Variants in MINPP1 observed in about 807,000 individuals in gnomAD.
The protein encoded by MINPP1 is multiple inositol-polyphosphate phosphatase 1, also known as multiple inositol polyphosphate phosphatase 1.
MINPP1 carries 28 observed loss-of-function variants against 46.1 expected under a neutral mutation model. The observed-to-expected ratio is 0.61, with a 90% CI of 0.45 to 0.83. MINPP1 has a LOEUF of 0.83. MINPP1 is among the 40% of genes least tolerant of loss of function. MINPP1 has a pLI of 0.00. For missense variants in MINPP1, 603 were observed against 610.0 expected (o/e 0.99, Z 0.12); for synonymous variants, 268 against 249.1 (o/e 1.08, Z -0.72).
chr10:87,536,776 C>CA (rs1158924396), intron 4 of MINPP1, among the ~76,000 whole-genome samples: 1 of 152,122 alleles, frequency 6.6e-6, no homozygotes, highest in Non-Finnish European at 1.5e-5. Flanking sequence ...TACATAGATC[C>CA]ACCACCATTT....
rs144444158 is a variant in MINPP1 at position 87,535,877 on chromosome 10, C to A, written c.1067+14708C>A. The stretch of plus-strand genomic sequence containing the variant: ...CAGGGAGCTCGAGTCTAGGGTGAGC[C>A]GTGATCATGCCACTGTACTCCAGCT... On this transcript the variant is annotated intron_variant, in intron 4 of 4. Transcript: ENST00000371996. 9.7e-3 allele frequency among the ~76,000 whole-genome samples: 1,480 copies of A among 152,112 alleles called. 24 individuals are homozygous for A. The highest frequency in any genetic ancestry group is 0.034 in the African/African-American group (1,395 of 41,488).
intron 3 of MINPP1, among the ~76,000 whole-genome samples, chr10:87,517,986 G>T (rs1851437907): frequency 7.4e-6 from 1 of 134,858 alleles, no homozygotes; most frequent in Non-Finnish European, 1.6e-5. Context: ...TTGAGACAGA[G>T]TCTTGCTCTG....
chr10:87,515,881 T>C (rs1851407197), intron 3 of MINPP1, among the ~76,000 whole-genome samples: 1 of 142,876 alleles, frequency 7.0e-6, no homozygotes, highest in South Asian at 2.2e-4. Context: ...CAGGCTGGAG[T>C]GCAGTGGCCC....
chr10:87,527,710 T>C (rs1023948532), intron 4 of MINPP1, among the ~76,000 whole-genome samples: 5 of 152,204 alleles, frequency 3.3e-5, no homozygotes, highest in African/African-American at 9.6e-5. Context: ...TTCAGGATGA[T>C]GCTGGCCTCA....
At chr10:87,536,667 T>G (rs887702227) in intron 4 of MINPP1, among the ~76,000 whole-genome samples, 3 of 152,206 alleles carry the variant, frequency 2.0e-5, no homozygotes, top group African/African-American at 7.2e-5. Flanking sequence ...AATTTTTTTT[T>G]GTTGGGCTTC....
intron 4 of MINPP1, among the ~76,000 whole-genome samples, chr10:87,529,469 G>T (rs1296842874): frequency 6.6e-6 from 1 of 152,128 alleles, no homozygotes; most frequent in Non-Finnish European, 1.5e-5. Flanking sequence ...CACTTATGAA[G>T]CTTAGTTTGG....
chr10:87,525,324 T>C (rs1277122635), intron 4 of MINPP1, among the ~76,000 whole-genome samples: 1 of 152,210 alleles, frequency 6.6e-6, no homozygotes, highest in African/African-American at 2.4e-5. Flanking sequence ...CAACCACTAA[T>C]ATATTTTCTG....
chr10:87,533,614 A>G (rs1388586265), intron 4 of MINPP1, among the ~76,000 whole-genome samples: 4 of 152,174 alleles, frequency 2.6e-5, no homozygotes, highest in Admixed American at 6.5e-5. Flanking sequence ...TTTTGGGTCT[A>G]TAATTACTTG....
intron 1 of MINPP1, among the ~76,000 whole-genome samples, chr10:87,507,382 A>G (rs906374339): frequency 6.6e-6 from 1 of 152,238 alleles, no homozygotes; most frequent in Admixed American, 6.5e-5. Flanking sequence ...GTACACAGAA[A>G]AAAGGTGACA....
At chr10:87,543,070 G>C (rs1223813671) in intron 4 of MINPP1, among the ~76,000 whole-genome samples, 1 of 152,136 alleles carries the variant, frequency 6.6e-6, no homozygotes, top group Non-Finnish European at 1.5e-5. Context: ...ATGTTATTGG[G>C]AACTAGAGCA....
Position 87,540,100 on chromosome 10 carries a change from GC to G in MINPP1, c.1068-11981del, listed in dbSNP as rs577458047. Among the ~76,000 whole-genome samples the G allele has an allele frequency of 5.9e-5, 9 of 152,256 alleles. No individual in the cohort carries two copies. The South Asian group carries it at 1.7e-3, about 28-fold the overall frequency. On this transcript the variant is annotated intron_variant, in intron 4 of 4. Coordinates refer to ENST00000371996, the MANE Select transcript of MINPP1 (RefSeq NM_004897.5). The stretch of plus-strand genomic sequence containing the variant: ...TCCCAGGCTAGTCTCAAACTCCTGG[GC>G]TCAAGCAGTTCTCCCATCTGAGCCT...
At chr10:87,528,984 G>C (rs947747818) in intron 4 of MINPP1, among the ~76,000 whole-genome samples, 2 of 152,088 alleles carry the variant, frequency 1.3e-5, no homozygotes, top group African/African-American at 2.4e-5. Flanking sequence ...TGTCTCTTTT[G>C]ATCTTTGCTG....
At chr10:87,508,158 C>T in intron 1 of MINPP1, 178 bp from the exon 2 acceptor site, 1 of 1,539,964 alleles carries the variant, frequency 6.5e-7, no homozygotes. Flanking sequence ...TGCGTTACAG[C>T]CATTATAAAT....
At chr10:87,542,948 A>G (rs1851837049) in intron 4 of MINPP1, among the ~76,000 whole-genome samples, 1 of 152,228 alleles carries the variant, frequency 6.6e-6, no homozygotes, top group Non-Finnish European at 1.5e-5. Flanking sequence ...AGACAGGAAG[A>G]TGAAGAAAAA....
chr10:87,523,333 T>C (rs1851529343), intron 4 of MINPP1, among the ~76,000 whole-genome samples: 1 of 151,076 alleles, frequency 6.6e-6, no homozygotes, highest in African/African-American at 2.5e-5. Flanking sequence ...ATAAATAATA[T>C]TTCTCTGTCA....
intron 4 of MINPP1, among the ~76,000 whole-genome samples, chr10:87,545,342 TA>T (rs1851871994): frequency 6.6e-6 from 1 of 152,102 alleles, no homozygotes; most frequent in Non-Finnish European, 1.5e-5. Flanking sequence ...AAACCAAGTA[TA>T]TTCTTACCTG....
At chr10:87,548,318 C>A (rs1284947630) in intron 4 of MINPP1, among the ~76,000 whole-genome samples, 2 of 152,168 alleles carry the variant, frequency 1.3e-5, no homozygotes, top group African/African-American at 2.4e-5. Context: ...TCCCACTATT[C>A]TTCTCCCCTC....
intron 4 of MINPP1, among the ~76,000 whole-genome samples, chr10:87,528,854 G>A (rs1351743138): frequency 2.0e-5 from 3 of 152,172 alleles, no homozygotes; most frequent in Admixed American, 6.5e-5. Flanking sequence ...AAGTCTCTTT[G>A]TAGGTCTCTA....
rs766349719 is a variant in MINPP1, at chr10:87,504,943, C to A, written c.28C>A (p.Arg10=). Residue 10 remains arginine (R), a synonymous_variant, in exon 1 of 5, where the codon CGG becomes AGG. Transcript: ENST00000371996. ...GCTACGCGCGCCCGGCTGCCTCCTC[C>A]GGACCTCCGTAGCGCCTGCCGCGGC... The part of the protein sequence containing the change: MLRAPGCLL[R]TSVAPAAALA... 1 of 1,611,484 alleles carries A rather than the reference C, an allele frequency of 6.2e-7. No individual in the cohort carries two copies. Among genetic ancestry groups the A allele is most frequent in the African/African-American group, 1.3e-5 (1 of 75,044 alleles).
Sources: gnomAD v4.1 joint callset for allele counts (sites outside exome capture counted in the v4.1 genomes callset) on GRCh38, gnomAD v4.1.1 for gene constraint, MANE v1.5 for transcripts, NCBI Gene and HGNC (gene_info 2026-07-23, HGNC 2026-07-21) for gene names.